The following NRG1 variants were observed in gnomAD, a reference collection of about 807,000 sequenced individuals.
The protein encoded by NRG1 is neuregulin 1, also known as pro-neuregulin-1, membrane-bound isoform.
In NRG1, 18 loss-of-function variants were observed where a neutral mutation model predicts 63.8. That is an observed-to-expected ratio of 0.28 (90% confidence interval 0.19 to 0.42). The LOEUF (loss-of-function observed/expected upper bound fraction) is 0.42, where lower values mean the gene tolerates loss of function less well. NRG1 is among the 10% of genes least tolerant of loss of function. NRG1 has a pLI of 1.00. For synonymous variants in NRG1, 302 were observed against 301.3 expected, an observed-to-expected ratio of 1.00 and a Z score of -0.02; for missense variants, 762 against 814.7, an observed-to-expected ratio of 0.94 and a Z score of 0.79.
At chr8:32,629,297 C>A (rs559846325) in intron 5 of NRG1, among the ~76,000 whole-genome samples, 1 of 152,280 alleles carries the variant, frequency 6.6e-6, no homozygotes, top group South Asian at 2.1e-4. Flanking sequence ...CTTGCTTGAA[C>A]CACAGTCTTG....
chr8:32,043,608 A>G (rs1354563368), intron 1 of NRG1, among the ~76,000 whole-genome samples: 1 of 151,986 alleles, frequency 6.6e-6, no homozygotes, highest in Non-Finnish European at 1.5e-5. Context: ...ACATTGGCTG[A>G]TACAGTTTTT....
chr8:32,764,510 A>C (rs1354773362), exon 12 of NRG1: 1 of 1,052,100 alleles, frequency 9.5e-7, no homozygotes, highest in Non-Finnish European at 1.3e-6. Flanking sequence ...GCAAATAGAA[A>C]ACAGGAAAAA....
rs370148899 is a variant in NRG1, at chr8:32,527,677, A to T, written c.38-68151A>T. On this transcript the variant is annotated intron_variant, in intron 1 of 10. Transcript: ENST00000519301. ...AAGCTAAAAAATGAAAACAAATTAG[A>T]CATCTCAAATGACAACTTAATGCAG... Among the ~76,000 whole-genome samples the T allele has an allele frequency of 3.3e-5, 5 of 152,286 alleles. No individual in the cohort carries two copies. In the East Asian group the frequency reaches 9.6e-4, roughly 29 times the overall value.
At chr8:32,549,987 C>G (rs1264715681) in intron 1 of NRG1, among the ~76,000 whole-genome samples, 1 of 152,196 alleles carries the variant, frequency 6.6e-6, no homozygotes, top group African/African-American at 2.4e-5. Context: ...ACTGTGGCTA[C>G]AGTAATACTG....
intron 1 of NRG1, among the ~76,000 whole-genome samples, chr8:31,992,083 C>G (rs945300521): frequency 6.6e-6 from 1 of 151,746 alleles, no homozygotes; most frequent in African/African-American, 2.4e-5. Flanking sequence ...ACCTGTAATC[C>G]AAGCACTTTG....
chr8:32,023,838 G>C (rs1210225881), intron 1 of NRG1, among the ~76,000 whole-genome samples: 2 of 5,828 alleles, frequency 3.4e-4, no homozygotes, highest in Non-Finnish European at 0.02. Flanking sequence ...CAGATTTGCA[G>C]TAACTCTCCC....
chr8:32,206,677 G>A (rs1235797328), intron 1 of NRG1, among the ~76,000 whole-genome samples: 2 of 152,172 alleles, frequency 1.3e-5, no homozygotes, highest in African/African-American at 2.4e-5. Context: ...TACAAGTGCA[G>A]TTTCATTACA....
At chr8:31,947,342 T>TA in intron 1 of NRG1, among the ~76,000 whole-genome samples, 2 of 146,616 alleles carry the variant, frequency 1.4e-5, no homozygotes, top group South Asian at 4.2e-4. Flanking sequence ...AGAATGGATA[T>TA]AATTTAATAT....
intron 5 of NRG1, among the ~76,000 whole-genome samples, chr8:32,725,836 T>G (rs770404840): frequency 2.0e-5 from 3 of 152,008 alleles, no homozygotes; most frequent in Admixed American, 2.0e-4. Context: ...AGCACCTAAA[T>G]AAGTAGTTTT....
chr8:32,364,976 T>TTTTTTTTTTTTTG (rs1807757637), intron 1 of NRG1, among the ~76,000 whole-genome samples: 1 of 131,240 alleles, frequency 7.6e-6, no homozygotes, highest in Non-Finnish European at 1.6e-5. Context: ...TTTTTTTTTT[T>TTTTTTTTTTTTTG]GAGACAGGGT....
At chr8:31,815,067 A>AT (rs1823303390) in intron 1 of NRG1, among the ~76,000 whole-genome samples, 1 of 152,236 alleles carries the variant, frequency 6.6e-6, no homozygotes, top group Non-Finnish European at 1.5e-5. Flanking sequence ...CATCTCTTCA[A>AT]TTTTTTTCAT....
intron 1 of NRG1, among the ~76,000 whole-genome samples, chr8:32,342,624 C>T (rs942190898): frequency 1.3e-5 from 2 of 152,166 alleles, no homozygotes; most frequent in Non-Finnish European, 2.9e-5. Flanking sequence ...CACCTTTCCC[C>T]TTGTTCTTGA....
intron 5 of NRG1, among the ~76,000 whole-genome samples, chr8:32,654,240 C>T (rs1223807192): frequency 2.6e-5 from 4 of 152,060 alleles, no homozygotes; most frequent in Non-Finnish European, 4.4e-5. Flanking sequence ...GCATATGTTA[C>T]GTTATCATAA....
At chr8:31,764,315 A>G (rs1817843162) in intron 1 of NRG1, among the ~76,000 whole-genome samples, 1 of 152,184 alleles carries the variant, frequency 6.6e-6, no homozygotes, top group African/African-American at 2.4e-5. Context: ...GAATATTGAC[A>G]TTGATACAGT....
intron 1 of NRG1, among the ~76,000 whole-genome samples, chr8:32,459,897 C>T (rs1029971139): frequency 2.6e-5 from 4 of 152,208 alleles, no homozygotes; most frequent in African/African-American, 9.7e-5. Flanking sequence ...TTAGTCAGAT[C>T]TCAAATTAAA....
chr8:31,743,810 G>A (rs1815564463), intron 1 of NRG1, among the ~76,000 whole-genome samples: 2 of 151,958 alleles, frequency 1.3e-5, no homozygotes, highest in South Asian at 2.1e-4. Context: ...ATTTACAAAA[G>A]CACTGAGAAT....
At chr8:32,231,622 T>TGG (rs1846953624) in intron 1 of NRG1, among the ~76,000 whole-genome samples, 1 of 152,082 alleles carries the variant, frequency 6.6e-6, no homozygotes, top group East Asian at 1.9e-4. Context: ...GTTTTTCAGC[T>TGG]GGGCACAGTG....
chr8:31,709,041 A>G (rs1811464034), intron 1 of NRG1, among the ~76,000 whole-genome samples: 1 of 152,150 alleles, frequency 6.6e-6, no homozygotes, highest in South Asian at 2.1e-4. Context: ...TCTAGTCTGC[A>G]CAGCAAATCT....
intron 1 of NRG1, among the ~76,000 whole-genome samples, chr8:31,768,229 A>C (rs1340053400): frequency 6.6e-6 from 1 of 152,226 alleles, no homozygotes; most frequent in Non-Finnish European, 1.5e-5. Context: ...AAAATAATTT[A>C]ATAATGACTT....
Sources: gnomAD v4.1 joint callset for allele counts (sites outside exome capture counted in the v4.1 genomes callset) on GRCh38, gnomAD v4.1.1 for gene constraint, MANE v1.5 for transcripts, NCBI Gene and HGNC (gene_info 2026-07-23, HGNC 2026-07-21) for gene names.